Variants in THOC5 observed in about 807,000 individuals in gnomAD.
THOC5 encodes the protein THO complex subunit 5, also known as Fms-interacting protein.
THOC5 carries 43 observed loss-of-function variants against 92.9 expected under a neutral mutation model. The observed-to-expected ratio is 0.46, with a 90% CI of 0.36 to 0.60. THOC5 has a LOEUF of 0.60. THOC5 is among the 20% of genes least tolerant of loss of function. The pLI is 0.00. For synonymous variants in THOC5, 296 were observed against 320.1 expected (o/e 0.92, Z 0.80); for missense variants, 659 against 849.4 (o/e 0.78, Z 2.79).
Position 29,549,098 on chromosome 22 carries a change from T to C in THOC5, c.50A>G (p.Asp17Gly). 6.2e-7 allele frequency: 1 copy of C among 1,614,170 alleles called. No individual in the cohort carries two copies. ...KKRKPKVIRS[D>G]GAPAEGKRNR... is the part of the protein sequence containing the mutation. ...CCGCTTTCCTTCAGCTGGGGCTCCA[T>C]CGCTTCGGATCACTTTGGGCTTCCG... The change falls in exon 2 of 20, where the codon GAT (aspartate) becomes GGT (glycine). Residue 17 changes from aspartate to glycine, a missense_variant. Coordinates refer to ENST00000490103, the MANE Select transcript of THOC5 (RefSeq NM_003678.5).
In THOC5 at chr22:29,534,541, GTTTT is replaced by G. The variant is rs59426394; in HGVS notation, c.714+2079_714+2082del. 127 of 145,490 alleles carry G rather than the reference GTTTT, an allele frequency of 8.7e-4. 1 individual carries two copies. Among genetic ancestry groups the G allele is most frequent in the Middle Eastern group, 3.6e-3 (1 of 276 alleles). The allele number at this position is 145,490 out of a possible 1,614,324, so 9.0% of individuals were successfully genotyped here. On this transcript the variant is annotated intron_variant, in intron 7 of 19. Coordinates refer to ENST00000490103, the MANE Select transcript of THOC5 (RefSeq NM_003678.5). ...GATTTTATTTGTGTGCTTTTCTTCT[GTTTT>G]TTTTTTTCTTTTTTTTCTTGACTCG...
chr22:29,533,602 T>G (rs913889822), intron 7 of THOC5, among the ~76,000 whole-genome samples: 1 of 152,116 alleles, frequency 6.6e-6, no homozygotes, highest in South Asian at 2.1e-4. Flanking sequence ...AAAGATACCA[T>G]TAGCAAAGTG....
chr22:29,544,648 C>T, intron 2 of THOC5, 45 bp from the exon 3 acceptor site: 1 of 1,494,204 alleles, frequency 6.7e-7, no homozygotes. Context: ...GGGTAAAAGT[C>T]TCCCTGCTGG....
At chr22:29,520,875 T>A (rs1295960892) in intron 13 of THOC5, 123 bp downstream of exon 13, 1 of 718,026 alleles carries the variant, frequency 1.4e-6, no homozygotes, top group African/African-American at 1.8e-5. Flanking sequence ...CATTTCCTTC[T>A]ACCCTGTGGT....
At chr22:29,533,457 T>C (rs978973507) in intron 7 of THOC5, among the ~76,000 whole-genome samples, 3 of 152,152 alleles carry the variant, frequency 2.0e-5, no homozygotes, top group Non-Finnish European at 2.9e-5. Context: ...AAAATGAATC[T>C]TTACCCTTAA....
At chr22:29,512,483 T>G (rs1412039466) in intron 17 of THOC5, among the ~76,000 whole-genome samples, 1 of 152,256 alleles carries the variant, frequency 6.6e-6, no homozygotes, top group Non-Finnish European at 1.5e-5. Flanking sequence ...AGCTAAGGTT[T>G]TCTCCATGTG....
In THOC5 at chr22:29,517,103, G is replaced by C. The variant is rs2063347579; in HGVS notation, c.1607C>G (p.Thr536Ser). The C allele has an allele frequency of 6.2e-7, 1 of 1,614,150 alleles. No individual in the cohort carries two copies. The highest frequency in any genetic ancestry group is 2.2e-5 in the East Asian group (1 of 44,876). The change falls in exon 17 of 20, where the codon ACC becomes AGC. Residue 536 changes from threonine (T) to serine (S), a missense_variant. By Grantham distance (58) the Thr-to-Ser change is moderately conservative (BLOSUM62 1). Coordinates refer to ENST00000490103, the MANE Select transcript of THOC5 (RefSeq NM_003678.5). ...CAGTCCCGCATCCACAATGTCTTTG[G>C]TGAAGTGCAGCTCCTAGAAGAGGTA... is the stretch of plus-strand genomic sequence containing the variant. ...AHEDYMELHF[T>S]KDIVDAGLAG...
chr22:29,552,909 C>T (rs2064201147), intron 1 of THOC5, among the ~76,000 whole-genome samples: 1 of 152,190 alleles, frequency 6.6e-6, no homozygotes, highest in African/African-American at 2.4e-5. Context: ...AATTCTTCTG[C>T]CTTGGGATGC....
chr22:29,547,742 C>A (rs2064052920), intron 2 of THOC5, among the ~76,000 whole-genome samples: 1 of 152,168 alleles, frequency 6.6e-6, no homozygotes. Context: ...TGTCTTCTTC[C>A]AAGCCCTCCA....
At chr22:29,510,373 G>A (rs183119663) in intron 19 of THOC5, among the ~76,000 whole-genome samples, 4 of 152,320 alleles carry the variant, frequency 2.6e-5, no homozygotes, top group Admixed American at 2.0e-4. Flanking sequence ...GAGACAAGCT[G>A]ATCACTTGAG....
chr22:29,528,262 A>G, intron 10 of THOC5, 85 bp from the exon 11 acceptor site: 3 of 1,613,938 alleles, frequency 1.9e-6, no homozygotes, highest in Non-Finnish European at 2.5e-6. Flanking sequence ...CCTCAGCCCT[A>G]CTGCCTGGCA....
chr22:29,539,847 T>A (rs2063842247), intron 5 of THOC5, among the ~76,000 whole-genome samples: 1 of 152,008 alleles, frequency 6.6e-6, no homozygotes, highest in South Asian at 2.1e-4. Flanking sequence ...TTAACAGGAA[T>A]AAATACAAGG....
Position 29,517,104 on chromosome 22 carries a change from T to C in THOC5, c.1606A>G (p.Thr536Ala), listed in dbSNP as rs747685711. The C allele has an allele frequency of 6.2e-7, 1 of 1,614,090 alleles. No individual in the cohort carries two copies. The highest frequency in any genetic ancestry group is 1.1e-5 in the South Asian group (1 of 91,078). ...AGTCCCGCATCCACAATGTCTTTGG[T>C]GAAGTGCAGCTCCTAGAAGAGGTAC... Reference protein sequence around the residue: ...AHEDYMELHFTKDIVDAGLAG... With the variant: ...AHEDYMELHFAKDIVDAGLAG... Residue 536 changes from threonine to alanine, a missense_variant, in exon 17 of 20, where the codon ACC (threonine) becomes GCC (alanine). Transcript: ENST00000490103.
intron 12 of THOC5, among the ~76,000 whole-genome samples, chr22:29,523,703 A>C (rs552876009): frequency 6.6e-6 from 1 of 152,336 alleles, no homozygotes; most frequent in South Asian, 2.1e-4. Flanking sequence ...ACTTGAAAGA[A>C]GCTTTGCTCA....
At chr22:29,519,967 G>A (rs1327759812) in intron 14 of THOC5, 41 bp downstream of exon 14, 5 of 1,544,466 alleles carry the variant, frequency 3.2e-6, no homozygotes, top group Non-Finnish European at 4.5e-6. Context: ...GAAGAGAAGA[G>A]GTAAGCTCCT....
chr22:29,511,367 C>T lies in THOC5; in HGVS notation c.1798-71G>A, dbSNP rs965547982. ...TGGGGGACCACACTGGCCAGGCTTC[C>T]GTCCCTGGATGGGCCCGAGCGCTGA... On this transcript the variant is annotated intron_variant, in intron 18 of 19. Coordinates refer to ENST00000490103, the MANE Select transcript of THOC5 (RefSeq NM_003678.5). The T allele has an allele frequency of 9.8e-6, 15 of 1,538,432 alleles. No individual in the cohort carries two copies. In the Admixed American group the frequency reaches 1.7e-4, roughly 18 times the overall value.
intron 1 of THOC5, among the ~76,000 whole-genome samples, chr22:29,551,663 AT>A: frequency 6.6e-6 from 1 of 152,122 alleles, no homozygotes; most frequent in South Asian, 2.1e-4. Context: ...GGGTGGGAGG[AT>A]GGCTTGAGCC....
chr22:29,524,957 C>G (rs928068305), intron 12 of THOC5, among the ~76,000 whole-genome samples: 5 of 152,136 alleles, frequency 3.3e-5, no homozygotes, highest in African/African-American at 1.2e-4. Flanking sequence ...CCCTTCTTCC[C>G]GCCCATGTTT....
chr22:29,548,717 C>T (rs531970495), intron 2 of THOC5, among the ~76,000 whole-genome samples: 17 of 152,074 alleles, frequency 1.1e-4, no homozygotes, highest in East Asian at 1.9e-4. Context: ...AGCAGCACAC[C>T]GAGGGATTCC....
Sources: allele counts gnomAD v4.1 joint callset (sites outside exome capture counted in the v4.1 genomes callset), GRCh38; gene constraint gnomAD v4.1.1; transcripts MANE v1.5; gene names NCBI Gene and HGNC (gene_info 2026-07-23, HGNC 2026-07-21).